The following ARID3B variants were observed in gnomAD, a reference collection of about 807,000 sequenced individuals.
ARID3B encodes AT-rich interaction domain 3B.
In ARID3B, 10 loss-of-function variants were observed where a neutral mutation model predicts 51.9. That is an observed-to-expected ratio of 0.19 (90% confidence interval 0.12 to 0.33). The LOEUF (loss-of-function observed/expected upper bound fraction) is 0.33. ARID3B is among the 10% of genes least tolerant of loss of function. The pLI is 1.00. For synonymous variants in ARID3B, 205 were observed against 279.5 expected, an observed-to-expected ratio of 0.73 and a Z score of 2.66; for missense variants, 483 against 716.3, an observed-to-expected ratio of 0.67 and a Z score of 3.72.
chr15:74,551,381 G>A (rs1283121690), intron 2 of ARID3B, among the ~76,000 whole-genome samples: 2 of 152,170 alleles, frequency 1.3e-5, no homozygotes, highest in African/African-American at 4.8e-5. Context: ...ATTAGCATAG[G>A]GATATGTGTG....
chr15:74,579,104 A>G (rs1183283117), intron 4 of ARID3B, among the ~76,000 whole-genome samples: 1 of 152,200 alleles, frequency 6.6e-6, no homozygotes, highest in Non-Finnish European at 1.5e-5. Flanking sequence ...GAATGACCGC[A>G]GCTGCAGGTG....
intron 7 of ARID3B, among the ~76,000 whole-genome samples, chr15:74,592,130 A>G (rs888433795): frequency 1.3e-5 from 2 of 152,208 alleles, no homozygotes; most frequent in Non-Finnish European, 2.9e-5. Flanking sequence ...CCATTACCCC[A>G]GCACCTCACT....
intron 2 of ARID3B, among the ~76,000 whole-genome samples, chr15:74,556,271 A>G (rs1249293828): frequency 2.0e-5 from 3 of 152,198 alleles, no homozygotes; most frequent in Non-Finnish European, 4.4e-5. Flanking sequence ...GAAGAGGGAG[A>G]AAGATGGAGG....
intron 2 of ARID3B, among the ~76,000 whole-genome samples, chr15:74,558,365 A>G (rs1192231546): frequency 6.6e-6 from 1 of 151,750 alleles, no homozygotes; most frequent in African/African-American, 2.4e-5. Context: ...CTTCAGCTCT[A>G]TCTGTTCTAC....
At chr15:74,567,959 G>A (rs1213010428) in intron 2 of ARID3B, among the ~76,000 whole-genome samples, 2 of 152,208 alleles carry the variant, frequency 1.3e-5, no homozygotes, top group African/African-American at 2.4e-5. Flanking sequence ...AGGCCTGTGT[G>A]TGCATGTCAC....
At chr15:74,574,053 C>T (rs1239408352) in intron 4 of ARID3B, 1 of 152,264 alleles carries the variant, frequency 6.6e-6, no homozygotes, top group African/African-American at 2.4e-5. Flanking sequence ...CAGCCGGCAT[C>T]TGCTTTATAA....
At chr15:74,547,268 C>T (rs911500787) in intron 2 of ARID3B, among the ~76,000 whole-genome samples, 19 of 151,234 alleles carry the variant, frequency 1.3e-4, no homozygotes, top group African/African-American at 3.6e-4. Context: ...AAGTGATTTT[C>T]GTGCCTCACC....
intron 4 of ARID3B, among the ~76,000 whole-genome samples, chr15:74,589,606 A>G (rs1244811335): frequency 6.6e-6 from 1 of 152,222 alleles, no homozygotes; most frequent in Non-Finnish European, 1.5e-5. Context: ...AGAACCAGAG[A>G]GGCTAAGTGC....
chr15:74,589,242 G>A (rs1713113447), intron 4 of ARID3B, among the ~76,000 whole-genome samples: 1 of 151,802 alleles, frequency 6.6e-6, no homozygotes, highest in Non-Finnish European at 1.5e-5. Context: ...TGTTAGCCAG[G>A]ATGGTCTCGA....
At chr15:74,595,557 G>GC (rs1035032522) in intron 8 of ARID3B, 54 bp from the exon 9 acceptor site, 12 of 1,578,216 alleles carry the variant, frequency 7.6e-6, no homozygotes, top group Non-Finnish European at 1.0e-5. Context: ...AAAGGAGCTG[G>GC]CCCTCCCCTT....
At chr15:74,552,278 G>T in intron 2 of ARID3B, among the ~76,000 whole-genome samples, 2 of 19,952 alleles carry the variant, frequency 1.0e-4, no homozygotes, top group Non-Finnish European at 2.2e-4. Flanking sequence ...AGCCAGGATG[G>T]TCTCAATCTC....
chr15:74,555,786 C>CTTTTTTT (rs869243539), intron 2 of ARID3B, among the ~76,000 whole-genome samples: 9 of 95,082 alleles, frequency 9.5e-5, no homozygotes, highest in South Asian at 4.1e-4. Flanking sequence ...AGCTGTATTT[C>CTTTTTTT]TTTTTTTTTT....
In ARID3B at chr15:74,596,983, G is replaced by T. The variant is rs1245893293; in HGVS notation, c.*1209G>T. The T allele has an allele frequency of 4.3e-6, 1 of 234,156 alleles. No individual in the cohort carries two copies. The highest frequency in any genetic ancestry group is 8.4e-6 in the Non-Finnish European group (1 of 118,416). 14.5% of individuals were successfully genotyped at this position (234,156 alleles called of 1,614,324 possible). A position where few individuals can be genotyped will look rare whatever the true frequency, so the allele number is the denominator to read the frequency against. On this transcript the variant is annotated 3_prime_UTR_variant, in exon 9 of 9. Coordinates refer to ENST00000346246, the MANE Select transcript of ARID3B (RefSeq NM_006465.4). ...GGGGGCGGGGAGGTGGAGTGGAGAG[G>T]CCCGCTCTCACACCGGGTCGGGCCC...
At position 74,590,035 on chromosome 15, in the gene ARID3B, G is replaced by A. The variant is rs760186433; in HGVS notation, c.881+32G>A. 5 of 1,561,452 alleles carry A rather than the reference G, an allele frequency of 3.2e-6. No individual in the cohort carries two copies. The South Asian group carries it at 3.5e-5, about 11-fold the overall frequency. ...GGCCAGGGCCTGGGAGAAGGAAGCT[G>A]AGGCTGGAGAAAGGGGATGTTGTAA... On this transcript the variant is annotated intron_variant, in intron 5 of 8. Transcript: ENST00000346246.
intron 8 of ARID3B, 62 bp downstream of exon 8, chr15:74,593,298 C>T (rs748376619): frequency 4.8e-6 from 7 of 1,471,982 alleles, no homozygotes; most frequent in Middle Eastern, 3.4e-4. Context: ...GGCAGCTCTG[C>T]GGCTGGCCCT....
chr15:74,578,139 G>C (rs1399679190), intron 4 of ARID3B, among the ~76,000 whole-genome samples: 1 of 151,288 alleles, frequency 6.6e-6, no homozygotes, highest in Non-Finnish European at 1.5e-5. Context: ...TTACAGACAT[G>C]AGCCACCGCA....
chr15:74,544,381 C>G lies in ARID3B; in HGVS notation c.445C>G (p.His149Asp). The change falls in exon 2 of 9, where the codon CAT becomes GAT. Residue 149 changes from histidine to aspartate, a missense_variant. Physicochemically the swap from His to Asp is moderately conservative, Grantham distance 81 (BLOSUM62 -1). Around this residue, in one of 3 missense-constraint regions of ARID3B, gnomAD observed 182 missense variants for 244.5 expected, o/e 0.74. Coordinates refer to ENST00000346246, the MANE Select transcript of ARID3B (RefSeq NM_006465.4). ...ACTTCCAGCACCAGGGCTCCCACCA[C>G]ATGGACAACAAGCTAAAGAAGACCA... Reference protein sequence around the residue: ...NLLPAPGLPPHGQQAKEDHTK... With the variant: ...NLLPAPGLPPDGQQAKEDHTK... The G allele has an allele frequency of 6.2e-7, 1 of 1,613,792 alleles. No homozygotes were observed. The highest frequency in any genetic ancestry group is 8.5e-7 in the Non-Finnish European group (1 of 1,179,790).
chr15:74,577,900 C>A (rs1393412736), intron 4 of ARID3B, among the ~76,000 whole-genome samples: 1 of 151,978 alleles, frequency 6.6e-6, no homozygotes, highest in East Asian at 1.9e-4. Context: ...AGACAGAGTC[C>A]CAGTCTGGAG....
At chr15:74,570,750 G>A (rs542372259) in intron 2 of ARID3B, among the ~76,000 whole-genome samples, 9 of 152,264 alleles carry the variant, frequency 5.9e-5, no homozygotes, top group African/African-American at 2.2e-4. Flanking sequence ...CTTTGAAAGG[G>A]GGAATGTAAC....
Sources: allele counts gnomAD v4.1 joint callset (sites outside exome capture counted in the v4.1 genomes callset), GRCh38; gene constraint gnomAD v4.1.1; regional missense constraint gnomAD v4.1.1; transcripts MANE v1.5; gene names NCBI Gene and HGNC (gene_info 2026-07-23, HGNC 2026-07-21).